GALNT10: variants seen among roughly 807,000 people sequenced by gnomAD.
The protein encoded by GALNT10 is polypeptide N-acetylgalactosaminyltransferase 10, also known as GalNAc transferase 10.
GALNT10 carries 41 observed loss-of-function variants against 75.0 expected under a neutral mutation model. That is an observed-to-expected ratio of 0.55 (90% CI 0.43 to 0.71). The LOEUF (loss-of-function observed/expected upper bound fraction) is 0.71, where lower values mean the gene tolerates loss of function less well. Among genes scored for constraint, GALNT10 ranks in the 30% least tolerant of loss-of-function variants. The pLI is 0.00. For missense variants in GALNT10, 727 were observed against 818.5 expected (o/e 0.89, Z 1.36); for synonymous variants, 302 against 313.0 (o/e 0.96, Z 0.37).
chr5:154,221,246 T>C (rs1227768671), intron 1 of GALNT10, among the ~76,000 whole-genome samples: 1 of 152,214 alleles, frequency 6.6e-6, no homozygotes, highest in Non-Finnish European at 1.5e-5. Context: ...GGTAGTTATG[T>C]CCCTCGGCTG....
Position 154,248,627 on chromosome 5 carries a change from G to T in GALNT10, c.160-46189G>T, listed in dbSNP as rs1028717559. Among the ~76,000 whole-genome samples, 6 of 152,320 alleles carry T rather than the reference G, an allele frequency of 3.9e-5. No individual in the cohort carries two copies. In the East Asian group the frequency reaches 1.2e-3, roughly 29 times the overall value. On this transcript the variant is annotated intron_variant, in intron 1 of 11. Coordinates refer to ENST00000297107, the MANE Select transcript of GALNT10 (RefSeq NM_198321.4). ...ATGTTTATAGTATTCTCTGATGGTA[G>T]TTTGTATTTCTGTGGGATCAGTGGT... is the stretch of plus-strand genomic sequence containing the variant.
intron 1 of GALNT10, among the ~76,000 whole-genome samples, chr5:154,196,351 T>C (rs1045457237): frequency 2.0e-5 from 3 of 152,344 alleles, no homozygotes; most frequent in African/African-American, 4.8e-5. Context: ...CAGAGAGAAC[T>C]TGAGCCTAAG....
chr5:154,383,175 T>G (rs1306319680), intron 6 of GALNT10, among the ~76,000 whole-genome samples: 1 of 152,186 alleles, frequency 6.6e-6, no homozygotes, highest in East Asian at 1.9e-4. Context: ...TCTCTTCTGC[T>G]TTTTACTTGG....
chr5:154,360,075 A>G (rs1161873094), intron 4 of GALNT10, among the ~76,000 whole-genome samples: 2 of 152,172 alleles, frequency 1.3e-5, no homozygotes, highest in South Asian at 2.1e-4. Context: ...CCAAATTAGA[A>G]GAAACCTCAG....
At chr5:154,317,595 A>G (rs1754612942) in intron 3 of GALNT10, among the ~76,000 whole-genome samples, 2 of 152,188 alleles carry the variant, frequency 1.3e-5, no homozygotes. Flanking sequence ...TGCCCACTTC[A>G]GATCAGAGGT....
In GALNT10 at chr5:154,197,625, A is replaced by C. The variant is rs116094160; in HGVS notation, c.159+6600A>C. Reference sequence around the variant, plus strand: ...GAGAATGCTGAGCTTCAGATGTTAAATTGTCTTCAGTTTTCTCAGGTGATG... The same window carrying C: ...GAGAATGCTGAGCTTCAGATGTTAACTTGTCTTCAGTTTTCTCAGGTGATG... On this transcript the variant is annotated intron_variant, in intron 1 of 11. Coordinates refer to ENST00000297107, the MANE Select transcript of GALNT10 (RefSeq NM_198321.4). 8.2e-3 allele frequency among the ~76,000 whole-genome samples: 1,253 copies of C among 152,264 alleles called. 13 individuals carry two copies. Among genetic ancestry groups the C allele is most frequent in the African/African-American group, 0.028 (1,176 of 41,550 alleles).
At chr5:154,283,147 T>C (rs1581954615) in intron 1 of GALNT10, among the ~76,000 whole-genome samples, 1 of 151,952 alleles carries the variant, frequency 6.6e-6, no homozygotes, top group Non-Finnish European at 1.5e-5. Flanking sequence ...GAAATCGTTA[T>C]ATAAGAACAA....
chr5:154,195,799 A>G (rs1470711191), intron 1 of GALNT10, among the ~76,000 whole-genome samples: 2 of 152,340 alleles, frequency 1.3e-5, no homozygotes, highest in East Asian at 3.9e-4. Context: ...AGCCAAGATT[A>G]TCACCCCAAA....
chr5:154,388,574 G>C (rs1051805373), intron 7 of GALNT10: 2 of 152,114 alleles, frequency 1.3e-5, no homozygotes, highest in Non-Finnish European at 2.9e-5. Context: ...ACGCAGGTCT[G>C]CTTGACTCCA....
intron 7 of GALNT10, chr5:154,388,161 G>C (rs1180971103): frequency 2.0e-5 from 3 of 152,050 alleles, no homozygotes; most frequent in Non-Finnish European, 2.9e-5. Context: ...CAAAGTGCTG[G>C]GATTACAGGT....
At chr5:154,234,997 T>C (rs932527299) in intron 1 of GALNT10, among the ~76,000 whole-genome samples, 3 of 152,202 alleles carry the variant, frequency 2.0e-5, no homozygotes, top group African/African-American at 7.2e-5. Flanking sequence ...TCCACAACTT[T>C]ACTGAAAGTC....
At chr5:154,368,344 C>A (rs114668816) in intron 4 of GALNT10, among the ~76,000 whole-genome samples, 1 of 152,142 alleles carries the variant, frequency 6.6e-6, no homozygotes, top group South Asian at 2.1e-4. Context: ...GAGGTTCAGT[C>A]GGCTCTCTGC....
At position 154,298,758 on chromosome 5, in the gene GALNT10, AT is replaced by A. The variant is rs1474160871; in HGVS notation, c.401+683del. On this transcript the variant is annotated intron_variant, in intron 3 of 11. Transcript: ENST00000297107. This position sits in a 1 kb window ranked among gnomAD's most constrained non-coding sequence, Gnocchi z 4.1. Reference sequence around the variant, plus strand: ...CTTAAGTTATCCTGCCTCCCTGTACATTTTCAGTAAGGGTCATTGTGGTGAT... The same window carrying A: ...CTTAAGTTATCCTGCCTCCCTGTACATTTCAGTAAGGGTCATTGTGGTGAT... 9.9e-5 allele frequency among the ~76,000 whole-genome samples: 15 copies of A among 152,222 alleles called. No individual in the cohort carries two copies. In the South Asian group the frequency reaches 1.9e-3, roughly 19 times the overall value.
intron 1 of GALNT10, among the ~76,000 whole-genome samples, chr5:154,287,111 G>A (rs145600495): frequency 6.6e-6 from 1 of 152,274 alleles, no homozygotes; most frequent in East Asian, 1.9e-4. Context: ...ATTTCTCATG[G>A]GAGGAGGAGG....
intron 8 of GALNT10, among the ~76,000 whole-genome samples, chr5:154,408,290 C>G (rs1045688690): frequency 6.6e-6 from 1 of 152,146 alleles, no homozygotes; most frequent in African/African-American, 2.4e-5. Context: ...GTGCAAATGA[C>G]TGATAACAGC....
chr5:154,321,966 C>T (rs1023453835), intron 3 of GALNT10, among the ~76,000 whole-genome samples: 27 of 152,182 alleles, frequency 1.8e-4, no homozygotes, highest in African/African-American at 5.6e-4. Context: ...AATGTTTACA[C>T]CCTGGGCAAA....
chr5:154,211,327 A>G (rs896599928), intron 1 of GALNT10, among the ~76,000 whole-genome samples: 14 of 152,160 alleles, frequency 9.2e-5, no homozygotes, highest in African/African-American at 2.9e-4. Context: ...TGTTCAGTCA[A>G]CGTTCATCTA....
rs200062010 is a variant in GALNT10 at position 154,404,151 on chromosome 5, G to A, written c.1104G>A (p.Val368=). ...TGGAGGACATCCCCTGCTCCAGGGT[G>A]GGCCATATCTACAGGAAGTATGTGC... ...GRMEDIPCSR[V]GHIYRKYVPY... is the part of the protein sequence containing the mutation. The change falls in exon 8 of 12, where the codon GTG becomes GTA. Residue 368 remains valine, a synonymous_variant. Coordinates refer to ENST00000297107, the MANE Select transcript of GALNT10 (RefSeq NM_198321.4). 1.9e-4 allele frequency: 303 copies of A among 1,613,666 alleles called. 2 individuals are homozygous for A. The East Asian group carries it at 4.8e-3, about 26-fold the overall frequency.
chr5:154,369,177 C>A (rs1012539387), intron 4 of GALNT10, among the ~76,000 whole-genome samples: 1 of 152,138 alleles, frequency 6.6e-6, no homozygotes, highest in Non-Finnish European at 1.5e-5. Flanking sequence ...CACTTCAGAT[C>A]AGAAGTTCGA....
Sources: allele counts gnomAD v4.1 joint callset (sites outside exome capture counted in the v4.1 genomes callset), GRCh38; gene constraint gnomAD v4.1.1; non-coding constraint Gnocchi (gnomAD v3.1); transcripts MANE v1.5; gene names NCBI Gene and HGNC (gene_info 2026-07-23, HGNC 2026-07-21).